The following C12orf42 variants were observed in gnomAD, a reference collection of about 807,000 sequenced individuals.
C12orf42 encodes the protein chromosome 12 open reading frame 42.
A neutral mutation model predicts 21.6 loss-of-function variants in C12orf42; 25 were observed. The observed-to-expected ratio is 1.16, with a 90% CI of 0.84 to 1.62. The LOEUF (loss-of-function observed/expected upper bound fraction) is 1.62. Among genes scored for constraint, C12orf42 ranks in the 40% most tolerant of loss-of-function variants. C12orf42 has a pLI of 0.00. For synonymous variants in C12orf42, 174 were observed against 175.0 expected, an observed-to-expected ratio of 0.99 and a Z score of 0.05; for missense variants, 483 against 459.3, an observed-to-expected ratio of 1.05 and a Z score of -0.47.
chr12:103,061,434 C>CT, the C12orf42 span, among the ~76,000 whole-genome samples: 7 of 151,016 alleles, frequency 4.6e-5, no homozygotes, highest in African/African-American at 4.9e-5. Context: ...TCCTTAAGGA[C>CT]TTTTTTTTTC....
At chr12:103,207,888 C>T in the C12orf42 span, among the ~76,000 whole-genome samples, 2 of 152,180 alleles carry the variant, frequency 1.3e-5, no homozygotes, top group African/African-American at 4.8e-5. Flanking sequence ...TAATGGAGTA[C>T]AAGAGAAAGG....
chr12:103,061,775 A>C, the C12orf42 span, among the ~76,000 whole-genome samples: 6 of 151,912 alleles, frequency 3.9e-5, no homozygotes, highest in Non-Finnish European at 7.4e-5. Context: ...GGTATCTCTT[A>C]TAAGGCACAC....
the C12orf42 span, among the ~76,000 whole-genome samples, chr12:103,147,416 C>T: frequency 2.0e-4 from 30 of 151,340 alleles, no homozygotes; most frequent in Non-Finnish European, 3.2e-4. Context: ...TGGCCCTTTG[C>T]AGTGAATGAA....
chr12:103,229,341 G>C, the C12orf42 span, among the ~76,000 whole-genome samples: 7 of 152,156 alleles, frequency 4.6e-5, no homozygotes, highest in African/African-American at 9.7e-5. Context: ...ACAGGCTCCA[G>C]GCAGAGTATG....
chr12:103,228,325 G>T, the C12orf42 span, among the ~76,000 whole-genome samples: 2 of 151,962 alleles, frequency 1.3e-5, no homozygotes, highest in African/African-American at 2.4e-5. Context: ...TGCTCAGTGG[G>T]GGTGCTTTTT....
At chr12:103,541,619 CTA>C in the C12orf42 span, among the ~76,000 whole-genome samples, 1 of 151,994 alleles carries the variant, frequency 6.6e-6, no homozygotes, top group African/African-American at 2.4e-5. Context: ...ATTTGCTATG[CTA>C]TGTTTTTATC....
chr12:103,349,417 A>T (rs12230458), intron 4 of C12orf42: 1 of 152,202 alleles, frequency 6.6e-6, no homozygotes. Flanking sequence ...TGTTGAAAAC[A>T]TAGAAAGAGT....
chr12:103,226,970 T>A, the C12orf42 span, among the ~76,000 whole-genome samples: 6 of 152,294 alleles, frequency 3.9e-5, no homozygotes, highest in East Asian at 1.2e-3. Flanking sequence ...TTTTGCAGGA[T>A]GGAAAAATTC....
the C12orf42 span, among the ~76,000 whole-genome samples, chr12:103,061,794 G>A: frequency 1.3e-5 from 2 of 150,446 alleles, no homozygotes; most frequent in Non-Finnish European, 3.0e-5. Flanking sequence ...ACACAGTTGT[G>A]TTTTTACCTG....
the C12orf42 span, among the ~76,000 whole-genome samples, chr12:103,126,965 C>G: frequency 5.3e-5 from 8 of 152,086 alleles, 1 homozygote; most frequent in South Asian, 6.2e-4. Flanking sequence ...TAAAAATATT[C>G]AAACAGATGA....
chr12:103,166,228 C>T, the C12orf42 span, among the ~76,000 whole-genome samples: 1 of 151,912 alleles, frequency 6.6e-6, no homozygotes, highest in Non-Finnish European at 1.5e-5. Context: ...CTCATTTTCT[C>T]CCATTATACA....
the C12orf42 span, among the ~76,000 whole-genome samples, chr12:103,198,799 C>G: frequency 4.6e-5 from 7 of 152,292 alleles, no homozygotes; most frequent in African/African-American, 1.7e-4. Flanking sequence ...CTTCCTCCCC[C>G]ATGATCCCAG....
At chr12:103,369,943 A>G (rs376195320) in intron 3 of C12orf42, among the ~76,000 whole-genome samples, 28 of 152,300 alleles carry the variant, frequency 1.8e-4, no homozygotes, top group African/African-American at 6.7e-4. Flanking sequence ...TAAACAGACA[A>G]CCTACAGAAA....
At chr12:103,384,652 T>G (rs1300228682) in intron 3 of C12orf42, among the ~76,000 whole-genome samples, 1 of 152,162 alleles carries the variant, frequency 6.6e-6, no homozygotes, top group African/African-American at 2.4e-5. Flanking sequence ...AAAGAAAGCA[T>G]GAACCAATCA....
chr12:103,280,178 G>C (rs183009814), intron 4 of C12orf42, among the ~76,000 whole-genome samples: 3 of 152,294 alleles, frequency 2.0e-5, no homozygotes, highest in African/African-American at 7.2e-5. Flanking sequence ...ACATTTTGTA[G>C]GCAAGGAACC....
the C12orf42 span, among the ~76,000 whole-genome samples, chr12:103,117,145 C>A: frequency 3.3e-5 from 5 of 152,186 alleles, no homozygotes; most frequent in Admixed American, 6.5e-5. Flanking sequence ...TTCCTCTTAT[C>A]CAGCTGTAAG....
Position 103,256,160 on chromosome 12 carries a change from A to G in C12orf42, c.*1366+7166T>C, listed in dbSNP as rs1325634425. On this transcript the variant is annotated intron_variant and NMD_transcript_variant, in intron 10 of 10. Coordinates refer to the C12orf42 transcript ENST00000547347. ...CACACACACACGTATATATACACAC[A>G]TATATATACACATATATATACATAT... Among the ~76,000 whole-genome samples the G allele has an allele frequency of 1.7e-3, 229 of 135,716 alleles. 2 individuals carry two copies. The highest frequency in any genetic ancestry group is 7.6e-3 in the Middle Eastern group (2 of 262). The allele number at this position is 135,716 out of a possible 152,430, so 89.0% of individuals were successfully genotyped here.
At chr12:103,393,542 T>C (rs1158917169) in intron 3 of C12orf42, among the ~76,000 whole-genome samples, 1 of 152,170 alleles carries the variant, frequency 6.6e-6, no homozygotes, top group African/African-American at 2.4e-5. Flanking sequence ...AAGGCTCTTA[T>C]ATGACAAATA....
At chr12:103,545,159 T>C in the C12orf42 span, among the ~76,000 whole-genome samples, 1 of 152,230 alleles carries the variant, frequency 6.6e-6, no homozygotes. Flanking sequence ...ATTCTGAATT[T>C]GAGGATTTCA....
Sources: gnomAD v4.1 joint callset for allele counts (sites outside exome capture counted in the v4.1 genomes callset) on GRCh38, gnomAD v4.1.1 for gene constraint, MANE v1.5 for transcripts, NCBI Gene and HGNC (gene_info 2026-07-23, HGNC 2026-07-21) for gene names.